ATR: variants seen among roughly 807,000 people sequenced by gnomAD.
ATR encodes the protein serine/threonine-protein kinase ATR.
ATR carries 142 observed loss-of-function variants against 305.3 expected under a neutral mutation model. The ratio of observed to expected loss-of-function variants is 0.47; its 90% CI spans 0.41 to 0.53. ATR has a LOEUF of 0.53. Among genes scored for constraint, ATR ranks in the 20% least tolerant of loss-of-function variants. The probability of loss-of-function intolerance (pLI) is 0.00; values close to 1 mark genes in which losing one functional copy is unlikely to be tolerated. For synonymous variants in ATR, 1,050 were observed against 1,068.1 expected (o/e 0.98, Z 0.33); for missense variants, 2,135 against 3,133.1 (o/e 0.68, Z 7.60).
At chr3:142,452,890 G>A in intron 46 of ATR, 1 of 1,358,546 alleles carries the variant, frequency 7.4e-7, no homozygotes, top group Non-Finnish European at 9.5e-7. Flanking sequence ...AATTGTCTAT[G>A]GTTAAACAAG....
chr3:142,474,616 A>C (rs2071388568), intron 36 of ATR, among the ~76,000 whole-genome samples: 1 of 152,136 alleles, frequency 6.6e-6, no homozygotes, highest in South Asian at 2.1e-4. Flanking sequence ...TATTTGTTCT[A>C]ATAGTCTTTT....
intron 35 of ATR, among the ~76,000 whole-genome samples, chr3:142,489,248 C>T (rs1195462269): frequency 6.6e-6 from 1 of 152,086 alleles, no homozygotes; most frequent in Admixed American, 6.6e-5. Flanking sequence ...GTGGGAGGAT[C>T]ACTTGAGCCC....
chr3:142,548,818 A>C (rs911321289), intron 15 of ATR, among the ~76,000 whole-genome samples: 14 of 152,214 alleles, frequency 9.2e-5, no homozygotes, highest in African/African-American at 3.4e-4. Flanking sequence ...TATCTCCACA[A>C]TATACAGTCG....
At chr3:142,452,390 C>G in intron 46 of ATR, 8 of 986,928 alleles carry the variant, frequency 8.1e-6, no homozygotes, top group Non-Finnish European at 9.6e-6. Context: ...AAACAACTAT[C>G]TGAGCTAGGC....
rs527798214 is a variant in ATR, at chr3:142,556,647, TAAGTA to T, written c.1886-77_1886-73del. 1,123 of 1,369,102 alleles carry T rather than the reference TAAGTA, an allele frequency of 8.2e-4. 1 individual carries two copies. The highest frequency in any genetic ancestry group is 9.4e-4 in the Non-Finnish European group (926 of 986,196). 84.8% of individuals were successfully genotyped at this position (1,369,102 alleles called of 1,614,324 possible). A position where few individuals can be genotyped will look rare whatever the true frequency, so the allele number is the denominator to read the frequency against. ...TTATGTATACACATATACATATATA[TAAGTA>T]AAGTAACATTTGTGTATACATATAT... On this transcript the variant is annotated intron_variant, in intron 8 of 46. Coordinates refer to ENST00000350721, the MANE Select transcript of ATR (RefSeq NM_001184.4).
intron 2 of ATR, among the ~76,000 whole-genome samples, chr3:142,567,225 A>G (rs2035104904): frequency 6.6e-6 from 1 of 152,182 alleles, no homozygotes; most frequent in African/African-American, 2.4e-5. Flanking sequence ...ATTATAATAC[A>G]ATATGGTAAC....
At chr3:142,547,631 G>C (rs1349034393) in intron 16 of ATR, 94 bp downstream of exon 16, 5 of 1,424,946 alleles carry the variant, frequency 3.5e-6, no homozygotes, top group Non-Finnish European at 4.8e-6. Context: ...CTAGCAGCCA[G>C]AAAATGACCA....
intron 14 of ATR, 65 bp from the exon 15 acceptor site, chr3:142,549,738 G>T: frequency 6.9e-7 from 1 of 1,452,818 alleles, no homozygotes; most frequent in Non-Finnish European, 9.6e-7. Flanking sequence ...ATTCACATAA[G>T]CTATGTGCAA....
At chr3:142,537,041 T>G (rs773663257) in intron 19 of ATR, among the ~76,000 whole-genome samples, 3 of 152,158 alleles carry the variant, frequency 2.0e-5, no homozygotes, top group African/African-American at 4.8e-5. Flanking sequence ...ATTAAATAAC[T>G]ACTATGTGCT....
At chr3:142,540,293 T>G (rs914895220) in intron 18 of ATR, among the ~76,000 whole-genome samples, 1 of 152,144 alleles carries the variant, frequency 6.6e-6, no homozygotes, top group African/African-American at 2.4e-5. Flanking sequence ...AATACACATA[T>G]GTAAACTTCA....
intron 21 of ATR, among the ~76,000 whole-genome samples, chr3:142,525,343 C>T (rs1003243917): frequency 1.3e-5 from 2 of 150,364 alleles, no homozygotes; most frequent in African/African-American, 4.9e-5. Flanking sequence ...TTCTCATAAC[C>T]TTTTTTTTTA....
At chr3:142,460,786 G>A (rs572485943) in intron 42 of ATR, among the ~76,000 whole-genome samples, 4 of 152,144 alleles carry the variant, frequency 2.6e-5, no homozygotes, top group East Asian at 1.9e-4. Flanking sequence ...CTTTAAAAAC[G>A]TCTTATTTTA....
chr3:142,450,920 T>C (rs971025912), intron 46 of ATR: 1 of 1,234,068 alleles, frequency 8.1e-7, no homozygotes, highest in Non-Finnish European at 1.0e-6. Context: ...AGCTCACCCA[T>C]TATCTTCGCG....
intron 36 of ATR, among the ~76,000 whole-genome samples, chr3:142,471,055 T>A (rs1353879788): frequency 1.3e-5 from 2 of 152,134 alleles, no homozygotes; most frequent in African/African-American, 2.4e-5. Flanking sequence ...CCAGAACTTT[T>A]TTCATCTTCC....
At chr3:142,470,434 T>C (rs572217368) in intron 36 of ATR, among the ~76,000 whole-genome samples, 2 of 152,118 alleles carry the variant, frequency 1.3e-5, no homozygotes, top group Non-Finnish European at 2.9e-5. Context: ...ATTATACAAA[T>C]TCTGCTCTAA....
At position 142,450,965 on chromosome 3, in the gene ATR, A is replaced by G. The variant is rs928874935; in HGVS notation, c.7762-1363T>C. On this transcript the variant is annotated intron_variant, in intron 46 of 46. Coordinates refer to ENST00000350721, the MANE Select transcript of ATR (RefSeq NM_001184.4). ...TCAGAAAAGAAAAACCCTTTGCAGA[A>G]TCTGACACTCAAAATCAGAACAACA... The G allele has an allele frequency of 9.9e-6, 12 of 1,210,182 alleles. No individual in the cohort carries two copies. In the African/African-American group the frequency reaches 1.4e-4, roughly 14 times the overall value. 75.0% of individuals were successfully genotyped at this position (1,210,182 alleles called of 1,614,324 possible).
Position 142,519,770 on chromosome 3 carries a change from A to C in ATR, c.4281T>G (p.Ile1427Met). ...AAYAIQELLS[I>M]YDCREMETNG... ...TGGTCTCCATCTCTCTACAGTCATA[A>C]ATAGAAAGCAACTCCTACAAATACA... Residue 1427 changes from isoleucine (I) to methionine (M), a missense_variant, in exon 24 of 47, where the codon ATT (isoleucine) becomes ATG (methionine). Transcript: ENST00000350721. The C allele has an allele frequency of 6.2e-7, 1 of 1,609,460 alleles. No individual in the cohort carries two copies. Among genetic ancestry groups the C allele is most frequent in the Non-Finnish European group, 8.5e-7 (1 of 1,175,704 alleles).
intron 45 of ATR, among the ~76,000 whole-genome samples, chr3:142,454,853 A>G (rs1244621733): frequency 6.6e-6 from 1 of 152,156 alleles, no homozygotes; most frequent in African/African-American, 2.4e-5. Flanking sequence ...TGACTGCTCT[A>G]CCCCTAAGAT....
At chr3:142,541,773 G>A (rs62276443) in intron 17 of ATR, among the ~76,000 whole-genome samples, 2 of 152,128 alleles carry the variant, frequency 1.3e-5, no homozygotes, top group Admixed American at 1.3e-4. Context: ...AATAGTAGTT[G>A]GTTGGGGGAT....
Sources: allele counts gnomAD v4.1 joint callset (sites outside exome capture counted in the v4.1 genomes callset), GRCh38; gene constraint gnomAD v4.1.1; transcripts MANE v1.5; gene names NCBI Gene and HGNC (gene_info 2026-07-23, HGNC 2026-07-21).